FAM149B1: variants seen among roughly 807,000 people sequenced by gnomAD.
FAM149B1 encodes family with sequence similarity 149 member B1.
A neutral mutation model predicts 75.3 loss-of-function variants in FAM149B1; 56 were observed. The ratio of observed to expected loss-of-function variants is 0.74; its 90% CI spans 0.60 to 0.93. The LOEUF (loss-of-function observed/expected upper bound fraction) is 0.93, where lower values mean the gene tolerates loss of function less well. Among genes scored for constraint, FAM149B1 ranks in the 40% least tolerant of loss-of-function variants. The pLI is 0.00. For synonymous variants in FAM149B1, 259 were observed against 256.1 expected (o/e 1.01, Z -0.11); for missense variants, 639 against 708.4 (o/e 0.90, Z 1.11).
chr10:73,184,886 G>A (rs978605940), intron 3 of FAM149B1, among the ~76,000 whole-genome samples: 2 of 151,898 alleles, frequency 1.3e-5, no homozygotes, highest in African/African-American at 4.8e-5. Flanking sequence ...GCAGAAAGAA[G>A]GAAATAATAC....
At chr10:73,191,353 T>TTTA (rs2042678804) in intron 3 of FAM149B1, among the ~76,000 whole-genome samples, 1 of 147,940 alleles carries the variant, frequency 6.8e-6, no homozygotes, top group African/African-American at 2.5e-5. Flanking sequence ...TTTTTTTTTT[T>TTTA]GAGACGGAGT....
intron 5 of FAM149B1, chr10:73,201,267 T>C (rs981909437): frequency 1.8e-5 from 4 of 227,822 alleles, no homozygotes; most frequent in East Asian, 1.1e-4. Context: ...GTGCTCCCTG[T>C]TGTTGAACAG....
In FAM149B1 at chr10:73,210,191, T is replaced by C. The variant is rs960332971; in HGVS notation, c.711-60T>C. ...AATTTTCAGGTAATACACAGACAAT[T>C]TTAGAAAGGCAGCCTTCCCTTCAGC... is the stretch of plus-strand genomic sequence containing the variant. On this transcript the variant is annotated intron_variant, in intron 6 of 13. Transcript: ENST00000242505. The C allele has an allele frequency of 3.2e-6, 4 of 1,243,548 alleles. No individual in the cohort carries two copies. In the African/African-American group the frequency reaches 6.1e-5, roughly 19 times the overall value. 77.0% of individuals were successfully genotyped at this position (1,243,548 alleles called of 1,614,324 possible). A position where few individuals can be genotyped will look rare whatever the true frequency, so the allele number is the denominator to read the frequency against.
At chr10:73,200,935 G>T (rs998373334) in intron 5 of FAM149B1, 4 of 460,944 alleles carry the variant, frequency 8.7e-6, no homozygotes, top group African/African-American at 6.0e-5. Flanking sequence ...GGACCAGAAG[G>T]AGAGAGATAC....
In FAM149B1 at chr10:73,243,382, T is replaced by G. The variant is rs1432984435; in HGVS notation, c.*2363T>G. The G allele has an allele frequency of 6.2e-7, 1 of 1,612,552 alleles. No individual in the cohort carries two copies. Among genetic ancestry groups the G allele is most frequent in the Non-Finnish European group, 8.5e-7 (1 of 1,179,796 alleles). On this transcript the variant is annotated 3_prime_UTR_variant, in exon 14 of 14. Transcript: ENST00000242505. The stretch of plus-strand genomic sequence containing the variant: ...GGCATCAATTTACACCTAAGGACCT[T>G]TGAAGAGAAAAATTCCATTATTTCT...
At chr10:73,228,598 T>A (rs529613171) in intron 8 of FAM149B1, among the ~76,000 whole-genome samples, 1 of 150,454 alleles carries the variant, frequency 6.6e-6, no homozygotes, top group South Asian at 2.2e-4. Context: ...CTGTTTATTT[T>A]TTATTTTTTC....
intron 1 of FAM149B1, 92 bp downstream of exon 1, chr10:73,168,478 G>T (rs775229154): frequency 4.2e-6 from 6 of 1,429,376 alleles, no homozygotes; most frequent in African/African-American, 1.5e-5. Flanking sequence ...TCCTTTCCCA[G>T]GGCTGGGGAG....
At position 73,174,747 on chromosome 10, in the gene FAM149B1, T is replaced by C. The variant is rs1179109215; in HGVS notation, c.108T>C (p.Ile36=). ...CCCCTCCAGAGAAGCTGGAGGAAAT[T>C]TCCCCCACCAGTGACAGTCATGAGA... is the stretch of plus-strand genomic sequence containing the variant. ...HHPPPEKLEE[I]SPTSDSHEKD... Residue 36 remains isoleucine (I), a synonymous_variant, in exon 2 of 14, where the codon ATT becomes ATC. Coordinates refer to ENST00000242505, the MANE Select transcript of FAM149B1 (RefSeq NM_173348.2). 3.4e-5 allele frequency: 52 copies of C among 1,551,314 alleles called. No homozygotes were observed. Among genetic ancestry groups the C allele is most frequent in the Non-Finnish European group, 4.4e-5 (50 of 1,146,814 alleles).
intron 5 of FAM149B1, among the ~76,000 whole-genome samples, chr10:73,194,678 TTC>T: frequency 6.7e-6 from 1 of 148,736 alleles, no homozygotes. Context: ...TTTTTCTTTT[TTC>T]TTTTTTTTTC....
intron 3 of FAM149B1, among the ~76,000 whole-genome samples, chr10:73,187,145 A>G (rs2042545109): frequency 6.6e-6 from 1 of 152,194 alleles, no homozygotes; most frequent in Non-Finnish European, 1.5e-5. Flanking sequence ...TAAATTTAAC[A>G]GAAGCAACAC....
At chr10:73,187,391 TA>T (rs773682735) in intron 3 of FAM149B1, among the ~76,000 whole-genome samples, 6,281 of 80,978 alleles carry the variant, frequency 0.078, 227 homozygotes, top group African/African-American at 0.16. Context: ...TCCAGATTAG[TA>T]AAAAAAAAAA....
At chr10:73,195,893 T>G (rs1256210039) in intron 5 of FAM149B1, among the ~76,000 whole-genome samples, 1 of 152,234 alleles carries the variant, frequency 6.6e-6, no homozygotes, top group Non-Finnish European at 1.5e-5. Context: ...AGCACACCAC[T>G]ACTTATTGGA....
intron 7 of FAM149B1, 42 bp from the exon 8 acceptor site, chr10:73,228,018 A>C (rs775903481): frequency 2.3e-5 from 36 of 1,540,138 alleles, no homozygotes; most frequent in Non-Finnish European, 3.0e-5. Context: ...GCTGTGGGCC[A>C]GAAGATTATC....
At chr10:73,195,237 T>C (rs1469844948) in intron 5 of FAM149B1, among the ~76,000 whole-genome samples, 3 of 152,224 alleles carry the variant, frequency 2.0e-5, no homozygotes, top group Non-Finnish European at 4.4e-5. Context: ...TGTGGTAGTC[T>C]CACCAGACCA....
At chr10:73,225,429 C>A (rs910421753) in intron 7 of FAM149B1, among the ~76,000 whole-genome samples, 6 of 151,748 alleles carry the variant, frequency 4.0e-5, no homozygotes, top group Admixed American at 6.6e-5. Flanking sequence ...TAGATTTTAA[C>A]AAAAAGATTA....
intron 1 of FAM149B1, among the ~76,000 whole-genome samples, chr10:73,170,884 A>T (rs1009246883): frequency 2.0e-5 from 3 of 152,184 alleles, no homozygotes; most frequent in African/African-American, 7.2e-5. Context: ...CCATTCTGAA[A>T]GTTAAAAAAA....
At chr10:73,187,972 G>T (rs1370197038) in intron 3 of FAM149B1, among the ~76,000 whole-genome samples, 1 of 150,556 alleles carries the variant, frequency 6.6e-6, no homozygotes, top group Non-Finnish European at 1.5e-5. Context: ...AGTCCCAGCT[G>T]CTCAGGAGGC....
At chr10:73,189,019 C>T (rs1401840207) in intron 3 of FAM149B1, among the ~76,000 whole-genome samples, 1 of 151,836 alleles carries the variant, frequency 6.6e-6, no homozygotes, top group Non-Finnish European at 1.5e-5. Context: ...CAAAGTGAGA[C>T]CCCCATCTCT....
At chr10:73,210,720 G>A (rs2043168186) in intron 7 of FAM149B1, among the ~76,000 whole-genome samples, 2 of 151,976 alleles carry the variant, frequency 1.3e-5, no homozygotes, top group Non-Finnish European at 2.9e-5. Flanking sequence ...CTACGCAAGA[G>A]ACTGAGGTGG....
Sources: gnomAD v4.1 joint callset for allele counts (sites outside exome capture counted in the v4.1 genomes callset) on GRCh38, gnomAD v4.1.1 for gene constraint, MANE v1.5 for transcripts, NCBI Gene and HGNC (gene_info 2026-07-23, HGNC 2026-07-21) for gene names.